HS3ST5: variants seen among roughly 807,000 people sequenced by gnomAD.
HS3ST5 encodes the protein heparan sulfate glucosamine 3-O-sulfotransferase 5.
A neutral mutation model predicts 25.4 loss-of-function variants in HS3ST5; 10 were observed. That is an observed-to-expected ratio of 0.39 (90% CI 0.24 to 0.67). The LOEUF is 0.67. Among genes scored for constraint, HS3ST5 ranks in the 30% least tolerant of loss-of-function variants. The probability of loss-of-function intolerance (pLI) is 0.44; values close to 1 mark genes in which losing one functional copy is unlikely to be tolerated. For missense variants in HS3ST5, 324 were observed against 420.7 expected, an observed-to-expected ratio of 0.77 and a Z score of 2.01; for synonymous variants, 170 against 162.4, an observed-to-expected ratio of 1.05 and a Z score of -0.36.
chr6:114,325,719 C>T (rs1307761388), intron 1 of HS3ST5, among the ~76,000 whole-genome samples: 1 of 152,152 alleles, frequency 6.6e-6, no homozygotes, highest in African/African-American at 2.4e-5. Flanking sequence ...TGCAGGCATA[C>T]ATGATCCTGG....
At chr6:114,150,701 A>G (rs912874668) in intron 3 of HS3ST5, among the ~76,000 whole-genome samples, 1 of 152,222 alleles carries the variant, frequency 6.6e-6, no homozygotes, top group Non-Finnish European at 1.5e-5. Context: ...AAAAAGATTC[A>G]GAGAAGGAGT....
At chr6:114,282,411 C>G (rs775709038) in intron 1 of HS3ST5, among the ~76,000 whole-genome samples, 2 of 151,808 alleles carry the variant, frequency 1.3e-5, no homozygotes, top group African/African-American at 4.8e-5. Flanking sequence ...AATTGGAGAA[C>G]GCCAAAATAA....
intron 1 of HS3ST5, among the ~76,000 whole-genome samples, chr6:114,337,970 T>C (rs1776673189): frequency 6.6e-6 from 1 of 152,134 alleles, no homozygotes; most frequent in South Asian, 2.1e-4. Flanking sequence ...CCTACTTATT[T>C]TCCCTCTGTA....
chr6:114,194,978 T>A (rs1780669543), intron 2 of HS3ST5, among the ~76,000 whole-genome samples: 1 of 152,202 alleles, frequency 6.6e-6, no homozygotes, highest in South Asian at 2.1e-4. Context: ...AAGCTCTCCT[T>A]TCCACTTGTA....
intron 4 of HS3ST5, 59 bp from the exon 5 acceptor site, chr6:114,058,249 TC>T: frequency 7.5e-7 from 1 of 1,340,832 alleles, no homozygotes. Flanking sequence ...TTTTTCTGGT[TC>T]CCCAGTCAGA....
At chr6:114,324,972 G>A (rs1452255173) in intron 1 of HS3ST5, among the ~76,000 whole-genome samples, 1 of 152,170 alleles carries the variant, frequency 6.6e-6, no homozygotes, top group Non-Finnish European at 1.5e-5. Flanking sequence ...ATACTTGCAG[G>A]AAATGTCTAC....
At chr6:114,329,656 TATGA>T (rs1162484016) in intron 1 of HS3ST5, among the ~76,000 whole-genome samples, 1 of 152,112 alleles carries the variant, frequency 6.6e-6, no homozygotes, top group Non-Finnish European at 1.5e-5. Context: ...CAGCAGGAAG[TATGA>T]AGGAGGTTTG....
At chr6:114,271,685 T>C (rs1444391389) in intron 1 of HS3ST5, among the ~76,000 whole-genome samples, 1 of 152,102 alleles carries the variant, frequency 6.6e-6, no homozygotes, top group Non-Finnish European at 1.5e-5. Flanking sequence ...TCCCACATGA[T>C]TGAATTCATT....
intron 1 of HS3ST5, among the ~76,000 whole-genome samples, chr6:114,240,009 TACACACACAC>T (rs149926688): frequency 2.7e-5 from 4 of 148,882 alleles, no homozygotes; most frequent in Non-Finnish European, 6.0e-5. Context: ...AGCACACACA[TACACACACAC>T]ACACACACAC....
intron 1 of HS3ST5, among the ~76,000 whole-genome samples, chr6:114,236,302 T>C (rs752457521): frequency 1.3e-5 from 2 of 152,228 alleles, no homozygotes; most frequent in Non-Finnish European, 2.9e-5. Context: ...CATCAACTTA[T>C]ACATAGGTAC....
intron 3 of HS3ST5, among the ~76,000 whole-genome samples, chr6:114,157,597 A>G (rs1778758271): frequency 6.6e-6 from 1 of 152,230 alleles, no homozygotes; most frequent in Non-Finnish European, 1.5e-5. Context: ...ATAACAATAA[A>G]TGATAAGTAT....
chr6:114,102,696 A>T (rs996586652), intron 3 of HS3ST5, among the ~76,000 whole-genome samples: 5 of 152,152 alleles, frequency 3.3e-5, no homozygotes, highest in Non-Finnish European at 5.9e-5. Context: ...CACACACTAT[A>T]ATCTTAGTTC....
chr6:114,164,514 G>A (rs1251289047), intron 3 of HS3ST5, among the ~76,000 whole-genome samples: 5 of 152,158 alleles, frequency 3.3e-5, no homozygotes, highest in Non-Finnish European at 7.4e-5. Flanking sequence ...CTCCATCTCA[G>A]CAGTATATCT....
intron 2 of HS3ST5, among the ~76,000 whole-genome samples, chr6:114,181,881 A>AGTGT (rs1376213590): frequency 4.0e-5 from 5 of 123,584 alleles, no homozygotes; most frequent in Non-Finnish European, 9.2e-5. Context: ...TGTGTATGTG[A>AGTGT]GTATGTGTGT....
intron 2 of HS3ST5, among the ~76,000 whole-genome samples, chr6:114,210,995 C>T (rs1462874863): frequency 2.6e-5 from 4 of 152,182 alleles, no homozygotes; most frequent in Non-Finnish European, 4.4e-5. Context: ...TCCTAGGTGT[C>T]GTACTCTGAA....
At chr6:114,058,230 A>G (rs768712606) in intron 4 of HS3ST5, 40 bp from the exon 5 acceptor site, 4 of 1,477,868 alleles carry the variant, frequency 2.7e-6, no homozygotes, top group Non-Finnish European at 3.7e-6. Flanking sequence ...CATTGCAACT[A>G]ACTTTTCATT....
chr6:114,073,445 G>A (rs1291896771), intron 3 of HS3ST5, among the ~76,000 whole-genome samples: 5 of 151,898 alleles, frequency 3.3e-5, no homozygotes, highest in African/African-American at 1.2e-4. Flanking sequence ...ACATTCACAA[G>A]AAAAAAACAA....
chr6:114,272,854 T>C (rs1372201008), intron 1 of HS3ST5, among the ~76,000 whole-genome samples: 1 of 152,070 alleles, frequency 6.6e-6, no homozygotes, highest in East Asian at 1.9e-4. Context: ...TGTAAATATT[T>C]GAGGACACAA....
At chr6:114,261,118 G>A (rs1311477065) in intron 1 of HS3ST5, among the ~76,000 whole-genome samples, 4 of 152,242 alleles carry the variant, frequency 2.6e-5, no homozygotes, top group South Asian at 4.2e-4. Flanking sequence ...CTAAGATGAG[G>A]AGTGCGCAAC....
Sources: gnomAD v4.1 joint callset for allele counts (sites outside exome capture counted in the v4.1 genomes callset) on GRCh38, gnomAD v4.1.1 for gene constraint, MANE v1.5 for transcripts, NCBI Gene and HGNC (gene_info 2026-07-23, HGNC 2026-07-21) for gene names.